Variants in HSF2 observed in about 807,000 individuals in gnomAD.
HSF2 encodes the protein heat shock transcription factor 2.
Under a neutral mutation model 65.0 loss-of-function variants are expected in HSF2, and 21 were observed. The ratio of observed to expected loss-of-function variants is 0.32; its 90% CI spans 0.23 to 0.47. HSF2 has a LOEUF of 0.47. HSF2 is among the 20% of genes least tolerant of loss of function. The probability of loss-of-function intolerance (pLI) is 1.00; values close to 1 mark genes in which losing one functional copy is unlikely to be tolerated. For missense variants in HSF2, 499 were observed against 628.1 expected (o/e 0.79, Z 2.20); for synonymous variants, 225 against 219.1 (o/e 1.03, Z -0.24).
chr6:122,426,545 T>G (rs1258876789), intron 10 of HSF2, among the ~76,000 whole-genome samples: 1 of 152,028 alleles, frequency 6.6e-6, no homozygotes, highest in Non-Finnish European at 1.5e-5. Context: ...TGGCAGAGAT[T>G]GATTATTATG....
intron 7 of HSF2, 103 bp from the exon 8 acceptor site, chr6:122,422,047 G>A (rs1214345806): frequency 6.5e-6 from 5 of 771,056 alleles, no homozygotes; most frequent in Admixed American, 2.7e-5. Context: ...TGCATACCCC[G>A]AGATTCAGTA....
At chr6:122,405,434 G>T (rs1378500192) in intron 1 of HSF2, among the ~76,000 whole-genome samples, 1 of 152,058 alleles carries the variant, frequency 6.6e-6, no homozygotes, top group Non-Finnish European at 1.5e-5. Flanking sequence ...GACTATATCA[G>T]GGAAATTAAA....
intron 9 of HSF2, among the ~76,000 whole-genome samples, 176 bp downstream of exon 9, chr6:122,423,133 T>G (rs1774272780): frequency 6.6e-6 from 1 of 152,202 alleles, no homozygotes; most frequent in Non-Finnish European, 1.5e-5. Flanking sequence ...CCAAGAATAG[T>G]CTTGGTATTT....
At chr6:122,410,113 A>T (rs927187684) in intron 1 of HSF2, among the ~76,000 whole-genome samples, 4 of 151,838 alleles carry the variant, frequency 2.6e-5, no homozygotes, top group Non-Finnish European at 5.9e-5. Context: ...ATTGTTCTCA[A>T]TATTTTCTTT....
chr6:122,399,922 C>G (rs549491186), intron 1 of HSF2, 92 bp downstream of exon 1: 7 of 985,366 alleles, frequency 7.1e-6, no homozygotes, highest in East Asian at 5.0e-5. Context: ...CCTTGCGGCT[C>G]GACGCTGTCT....
chr6:122,421,639 A>G (rs1317263801), intron 7 of HSF2, among the ~76,000 whole-genome samples: 2 of 152,106 alleles, frequency 1.3e-5, no homozygotes, highest in East Asian at 3.9e-4. Flanking sequence ...AGTTTAAAAA[A>G]AAATCATTGC....
intron 1 of HSF2, among the ~76,000 whole-genome samples, chr6:122,404,615 CG>C (rs1378339317): frequency 2.2e-4 from 33 of 152,106 alleles, no homozygotes; most frequent in African/African-American, 4.8e-5. Context: ...TGGAGAGTAA[CG>C]ACTGTTTCTA....
chr6:122,431,941 G>A lies in HSF2; in HGVS notation c.1332G>A (p.Gln444=). The part of the protein sequence containing the change: ...SKSKPDKQLI[Q]YTAFPLLAFL... ...TCTTTATAGATAAGCAGCTTATCCAGTATACCGCCTTTCCACTTCTTGCAT... is the reference window on the plus strand; with the variant it reads ...TCTTTATAGATAAGCAGCTTATCCAATATACCGCCTTTCCACTTCTTGCAT... The change falls in exon 13 of 13, where the codon CAG becomes CAA. Residue 444 remains glutamine, a synonymous_variant. Transcript: ENST00000368455. 6.2e-7 allele frequency: 1 copy of A among 1,613,772 alleles called. No individual in the cohort carries two copies. Among genetic ancestry groups the A allele is most frequent in the Non-Finnish European group, 8.5e-7 (1 of 1,179,824 alleles).
rs1375455830 is a variant in HSF2 at position 122,423,642 on chromosome 6, C to A, written c.1132C>A (p.Leu378Ile). ...CAGTTTAGAGGACTTCCAGGCCATGCTATCAGGAAGACAATTTAGCATAGA... is the reference window on the plus strand; with the variant it reads ...CAGTTTAGAGGACTTCCAGGCCATGATATCAGGAAGACAATTTAGCATAGA... ...DCSLEDFQAM[L>I]SGRQFSIDPD... Residue 378 changes from leucine (L) to isoleucine (I), a missense_variant, in exon 10 of 13, where the codon CTA becomes ATA. Physicochemically the swap from Leu to Ile is conservative, Grantham distance 5. Around this residue, in one of 2 missense-constraint regions of HSF2, gnomAD observed 349 missense variants for 393.5 expected, o/e 0.89. Transcript: ENST00000368455. 6 of 1,610,602 alleles carry A rather than the reference C, an allele frequency of 3.7e-6. No homozygotes were observed. Among genetic ancestry groups the A allele is most frequent in the Non-Finnish European group, 4.2e-6 (5 of 1,177,814 alleles).
At chr6:122,418,954 TG>T (rs2114443022) in intron 5 of HSF2, among the ~76,000 whole-genome samples, 1 of 152,308 alleles carries the variant, frequency 6.6e-6, no homozygotes, top group African/African-American at 2.4e-5. Flanking sequence ...CAGGCAAGTT[TG>T]GTACTTATCA....
At chr6:122,416,414 G>A in intron 5 of HSF2, 118 bp downstream of exon 5, 1 of 557,544 alleles carries the variant, frequency 1.8e-6, no homozygotes. Flanking sequence ...CATATTGGAT[G>A]CACAGATAGA....
intron 1 of HSF2, among the ~76,000 whole-genome samples, chr6:122,409,735 G>T (rs551208610): frequency 5.9e-4 from 90 of 151,952 alleles, no homozygotes; most frequent in Non-Finnish European, 1.2e-3. Flanking sequence ...CTGTTAGGAA[G>T]AAAGTAGAGG....
rs45497604 is a variant in HSF2, at chr6:122,429,845, C to G, written c.1231-1585C>G. On this transcript the variant is annotated intron_variant, in intron 11 of 12. Coordinates refer to ENST00000368455, the MANE Select transcript of HSF2 (RefSeq NM_004506.4). ...GTGTATGTTGAACCAGCCTTACATC[C>G]CAGGGATGAAGCCGACTTGATGGTG... Among the ~76,000 whole-genome samples the G allele has an allele frequency of 3.6e-3, 553 of 152,210 alleles. 4 individuals carry two copies. Among genetic ancestry groups the G allele is most frequent in the African/African-American group, 0.012 (510 of 41,522 alleles).
At chr6:122,410,726 T>G (rs1040013367) in intron 1 of HSF2, among the ~76,000 whole-genome samples, 1 of 152,028 alleles carries the variant, frequency 6.6e-6, no homozygotes, top group East Asian at 1.9e-4. Flanking sequence ...CTTTTCATGT[T>G]GTAGCTTGTG....
intron 1 of HSF2, among the ~76,000 whole-genome samples, chr6:122,409,298 C>T (rs1773936721): frequency 6.6e-6 from 1 of 151,922 alleles, no homozygotes; most frequent in African/African-American, 2.4e-5. Context: ...TGAAATGCCA[C>T]AGAGAGGTGT....
intron 10 of HSF2, among the ~76,000 whole-genome samples, chr6:122,425,571 T>C (rs1774321112): frequency 6.6e-6 from 1 of 151,502 alleles, no homozygotes; most frequent in Non-Finnish European, 1.5e-5. Flanking sequence ...TTATTAACAT[T>C]ATTGGGCATT....
intron 1 of HSF2, among the ~76,000 whole-genome samples, chr6:122,410,084 G>A (rs981671656): frequency 6.6e-6 from 1 of 151,438 alleles, no homozygotes; most frequent in Admixed American, 6.6e-5. Context: ...TATTGGGTAG[G>A]GTTAAAATAC....
chr6:122,431,610 T>G, intron 12 of HSF2, 96 bp downstream of exon 12: 1 of 644,410 alleles, frequency 1.6e-6, no homozygotes, highest in Non-Finnish European at 2.7e-6. Context: ...ATATGCTGGC[T>G]TTAGTTCTGT....
At chr6:122,417,188 G>A (rs1213240869) in intron 5 of HSF2, among the ~76,000 whole-genome samples, 27 of 151,336 alleles carry the variant, frequency 1.8e-4, no homozygotes. Context: ...AAGGTTGAAT[G>A]TAGTAGAATT....
Sources: gnomAD v4.1 joint callset for allele counts (sites outside exome capture counted in the v4.1 genomes callset) on GRCh38, gnomAD v4.1.1 for gene constraint, gnomAD v4.1.1 regional missense constraint, MANE v1.5 for transcripts, NCBI Gene and HGNC (gene_info 2026-07-23, HGNC 2026-07-21) for gene names.